Variants in DDIT3 observed in about 807,000 individuals in gnomAD.
The protein encoded by DDIT3 is DNA damage-inducible transcript 3 protein.
DDIT3 carries 14 observed loss-of-function variants against 17.6 expected under a neutral mutation model. The ratio of observed to expected loss-of-function variants is 0.80; its 90% CI spans 0.53 to 1.25. The LOEUF (loss-of-function observed/expected upper bound fraction) is 1.25, where lower values mean the gene tolerates loss of function less well. Among genes scored for constraint, DDIT3 ranks in the 50% most tolerant of loss-of-function variants. The pLI is 0.00. For synonymous variants in DDIT3, 93 were observed against 76.5 expected (o/e 1.22, Z -1.13); for missense variants, 216 against 202.7 (o/e 1.07, Z -0.40).
intron 1 of DDIT3, chr12:57,519,020 C>T: frequency 1.9e-6 from 1 of 515,424 alleles, no homozygotes; most frequent in East Asian, 5.5e-5. Context: ...CTAAACACTT[C>T]TAATTCCATT....
chr12:57,518,244 T>G (rs1878029337), intron 1 of DDIT3, among the ~76,000 whole-genome samples: 1 of 152,232 alleles, frequency 6.6e-6, no homozygotes, highest in African/African-American at 2.4e-5. Flanking sequence ...TTATTTTTAG[T>G]TGCTGACATT....
At position 57,517,328 on chromosome 12, in the gene DDIT3, C is replaced by A; in HGVS notation, c.79G>T (p.Glu27Ter). Reference sequence around the variant, plus strand: ...CCATTTTCATCTGAAGACAGGACCTCTTGCAGGTCCTCATACCAGGCTTCC... The same window carrying A: ...CCATTTTCATCTGAAGACAGGACCTATTGCAGGTCCTCATACCAGGCTTCC... ...ELEAWYEDLQ[E>*]VLSSDENGGT... The change falls in exon 3 of 4, where the codon GAG becomes TAG. Residue 27 changes from glutamate to a stop codon, truncating the protein, a stop_gained. Transcript: ENST00000346473. LOFTEE classifies it high-confidence loss of function. 6.2e-7 allele frequency: 1 copy of A among 1,614,028 alleles called. No homozygotes were observed. Among genetic ancestry groups the A allele is most frequent in the East Asian group, 2.2e-5 (1 of 44,882 alleles).
Position 57,516,951 on chromosome 12 carries a change from TTCTC to T in DDIT3, c.364_367del (p.Glu122LysfsTer12). On this transcript the variant is annotated frameshift_variant, in exon 4 of 4. Coordinates refer to ENST00000346473, the MANE Select transcript of DDIT3 (RefSeq NM_004083.6). LOFTEE classifies it high-confidence loss of function. The stretch of plus-strand genomic sequence containing the variant: ...CACTTTCCTTTCATTCTCCTGTTCT[TTCTC>T]CTTCATGCGCTGCTTTCCAGCCCGG... 1 of 1,613,380 alleles carries T rather than the reference TTCTC, an allele frequency of 6.2e-7. No homozygotes were observed. Among genetic ancestry groups the T allele is most frequent in the Non-Finnish European group, 8.5e-7 (1 of 1,179,716 alleles).
chr12:57,517,366 GA>G lies in DDIT3; in HGVS notation c.40del (p.Ser14ProfsTer50), dbSNP rs1279881449. 2 of 1,613,102 alleles carry G rather than the reference GA, an allele frequency of 1.2e-6. No individual in the cohort carries two copies. The highest frequency in any genetic ancestry group is 1.7e-6 in the Non-Finnish European group (2 of 1,180,026). On this transcript the variant is annotated frameshift_variant, in exon 3 of 4. Transcript: ENST00000346473. LOFTEE classifies it high-confidence loss of function. Reference protein sequence around the residue: ...ESLPFSFGTLSSWELEAWYED... With the variant: ...ESLPFSFGTLXSWELEAWYED... The stretch of plus-strand genomic sequence containing the variant: ...ATACCAGGCTTCCAGCTCCCAGCTG[GA>G]CAGTGTCCCGAAGGAGAAAGGCAAT...
intron 3 of DDIT3, 27 bp from the exon 4 acceptor site, chr12:57,517,207 T>C: frequency 1.2e-6 from 2 of 1,610,350 alleles, no homozygotes; most frequent in South Asian, 1.1e-5. Flanking sequence ...AAAGGGAACA[T>C]AGATATTAGT....
At chr12:57,518,744 C>T (rs772448006) in intron 1 of DDIT3, among the ~76,000 whole-genome samples, 3 of 152,204 alleles carry the variant, frequency 2.0e-5, no homozygotes, top group African/African-American at 4.8e-5. Flanking sequence ...CTGCAACCTC[C>T]GCCTGCTGGG....
chr12:57,519,317 C>T (rs144072795), intron 1 of DDIT3: 3 of 436,434 alleles, frequency 6.9e-6, no homozygotes, highest in Non-Finnish European at 1.4e-5. Context: ...ATTCTCCATT[C>T]CTTTCTCTGC....
intron 1 of DDIT3, among the ~76,000 whole-genome samples, chr12:57,518,379 C>A (rs1878039772): frequency 6.6e-6 from 1 of 152,160 alleles, no homozygotes; most frequent in Non-Finnish European, 1.5e-5. Context: ...TAGCATTTTC[C>A]TAACTCCATT....
At chr12:57,518,722 G>A (rs1001783325) in intron 1 of DDIT3, among the ~76,000 whole-genome samples, 3 of 152,282 alleles carry the variant, frequency 2.0e-5, no homozygotes, top group Middle Eastern at 3.4e-3. Flanking sequence ...AGGCAGTGGC[G>A]CAATCGGCTC....
At chr12:57,518,167 G>A (rs1179745158) in intron 1 of DDIT3, among the ~76,000 whole-genome samples, 1 of 151,994 alleles carries the variant, frequency 6.6e-6, no homozygotes, top group East Asian at 1.9e-4. Context: ...CTTACTTCTG[G>A]TCTTGTGGGG....
Position 57,517,299 on chromosome 12 carries a change from AC to A in DDIT3, c.107del (p.Gly36ValfsTer28). The A allele has an allele frequency of 6.2e-7, 1 of 1,614,018 alleles. No individual in the cohort carries two copies. The highest frequency in any genetic ancestry group is 8.5e-7 in the Non-Finnish European group (1 of 1,179,980). On this transcript the variant is annotated frameshift_variant, in exon 3 of 4. Coordinates refer to ENST00000346473, the MANE Select transcript of DDIT3 (RefSeq NM_004083.6). LOFTEE classifies it high-confidence loss of function. The part of the protein sequence containing the change: ...QEVLSSDENG[G>X]TYVSPPGNEE... ...CATTTCCAGGAGGTGAAACATAGGTACCCCCATTTTCATCTGAAGACAGGAC... is the reference window on the plus strand; with the variant it reads ...CATTTCCAGGAGGTGAAACATAGGTACCCCATTTTCATCTGAAGACAGGAC...
chr12:57,517,824 TTTTC>T (rs539622529), intron 1 of DDIT3, 71 bp from the exon 2 acceptor site: 28 of 432,002 alleles, frequency 6.5e-5, no homozygotes, highest in South Asian at 2.1e-4. Flanking sequence ...CTTTTTCTTT[TTTTC>T]TTTCTTTTTT....
chr12:57,517,764 C>A lies in DDIT3; in HGVS notation c.-80-11G>T. On this transcript the variant is annotated splice_polypyrimidine_tract_variant and intron_variant, in intron 1 of 3. Transcript: ENST00000346473. ...CTTCCTTCTTGAACACTGTGGGCAA[C>A]AAAGAGAAATGTCAGCCATTTTTGG... 1 of 429,946 alleles carries A rather than the reference C, an allele frequency of 2.3e-6. No individual in the cohort carries two copies. The highest frequency in any genetic ancestry group is 4.1e-6 in the Non-Finnish European group (1 of 244,214). The allele number at this position is 429,946 out of a possible 1,614,324, so 26.6% of individuals were successfully genotyped here. A position where few individuals can be genotyped will look rare whatever the true frequency, so the allele number is the denominator to read the frequency against.
chr12:57,517,737 C>T lies in DDIT3; in HGVS notation c.-64G>A, dbSNP rs1877978132. Reference sequence around the variant, plus strand: ...TCAGGTGTGGTGATGTATGAAGATACACTTCCTTCTTGAACACTGTGGGCA... The same window carrying T: ...TCAGGTGTGGTGATGTATGAAGATATACTTCCTTCTTGAACACTGTGGGCA... On this transcript the variant is annotated 5_prime_UTR_variant, in exon 2 of 4. Coordinates refer to ENST00000346473, the MANE Select transcript of DDIT3 (RefSeq NM_004083.6). The T allele has an allele frequency of 2.0e-6, 1 of 509,090 alleles. No individual in the cohort carries two copies. The highest frequency in any genetic ancestry group is 3.6e-5 in the Admixed American group (1 of 28,102). The allele number at this position is 509,090 out of a possible 1,614,324, so 31.5% of individuals were successfully genotyped here.
chr12:57,517,004 C>T lies in DDIT3; in HGVS notation c.315G>A (p.Arg105=). The T allele has an allele frequency of 1.2e-6, 2 of 1,614,148 alleles. No homozygotes were observed. The highest frequency in any genetic ancestry group is 8.5e-7 in the Non-Finnish European group (1 of 1,180,030). The part of the protein sequence containing the change: ...EEEDQGRTRK[R]KQSGHSPARA... ...GGGCTGGGGAATGACCACTCTGTTTCCGTTTCCTGGTTCTCCCTTGGTCTT... is the reference window on the plus strand; with the variant it reads ...GGGCTGGGGAATGACCACTCTGTTTTCGTTTCCTGGTTCTCCCTTGGTCTT... The change falls in exon 4 of 4, where the codon CGG becomes CGA. Residue 105 remains arginine (R), a synonymous_variant. Coordinates refer to ENST00000346473, the MANE Select transcript of DDIT3 (RefSeq NM_004083.6).
In DDIT3 at chr12:57,516,749, A is replaced by G; in HGVS notation, c.*60T>C. The G allele has an allele frequency of 1.3e-6, 2 of 1,574,422 alleles. No homozygotes were observed. The highest frequency in any genetic ancestry group is 1.7e-6 in the Non-Finnish European group (2 of 1,161,912). ...TGGCACTAGTGAGAGGGTAGTCAGT[A>G]GCCACTTCTGGGAAAGGTGGGTAGT... On this transcript the variant is annotated 3_prime_UTR_variant, in exon 4 of 4. Coordinates refer to ENST00000346473, the MANE Select transcript of DDIT3 (RefSeq NM_004083.6).
chr12:57,518,572 C>T (rs1283815197), intron 1 of DDIT3, among the ~76,000 whole-genome samples: 1 of 152,230 alleles, frequency 6.6e-6, no homozygotes, highest in Admixed American at 6.5e-5. Context: ...TCTCAGATGA[C>T]AACTCTAGTT....
rs572458234 is a variant in DDIT3 at position 57,517,339 on chromosome 12, T to C, written c.68A>G (p.Glu23Gly). ...LSSWELEAWYEDLQEVLSSDE... is the reference protein window; with the variant it reads ...LSSWELEAWYGDLQEVLSSDE... ...TGAAGACAGGACCTCTTGCAGGTCC[T>C]CATACCAGGCTTCCAGCTCCCAGCT... is the stretch of plus-strand genomic sequence containing the variant. Residue 23 changes from glutamate to glycine, a missense_variant, in exon 3 of 4, where the codon GAG (glutamate) becomes GGG (glycine). Physicochemically the swap from Glu to Gly is moderately conservative, Grantham distance 98. Transcript: ENST00000346473. 15 of 1,613,998 alleles carry C rather than the reference T, an allele frequency of 9.3e-6. 1 individual carries two copies. The South Asian group carries it at 1.6e-4, about 18-fold the overall frequency.
chr12:57,517,997 TTG>T (rs1385267217), intron 1 of DDIT3, among the ~76,000 whole-genome samples: 4 of 152,132 alleles, frequency 2.6e-5, no homozygotes, highest in African/African-American at 9.7e-5. Context: ...CAGCTAATTT[TTG>T]TGTTTTTAGC....
Sources: gnomAD v4.1 joint callset for allele counts (sites outside exome capture counted in the v4.1 genomes callset) on GRCh38, gnomAD v4.1.1 for gene constraint, MANE v1.5 for transcripts, NCBI Gene and HGNC (gene_info 2026-07-23, HGNC 2026-07-21) for gene names.